The following ASAH1 variants were observed in gnomAD, a reference collection of about 807,000 sequenced individuals.
The protein encoded by ASAH1 is N-acylsphingosine amidohydrolase 1.
Under a neutral mutation model 59.5 loss-of-function variants are expected in ASAH1, and 70 were observed. The observed-to-expected ratio is 1.18, with a 90% confidence interval of 0.97 to 1.43. The LOEUF (loss-of-function observed/expected upper bound fraction) is 1.43, where lower values mean the gene tolerates loss of function less well. ASAH1 is among the 40% of genes most tolerant of loss of function. The pLI is 0.00. For missense variants in ASAH1, 660 were observed against 482.5 expected, an observed-to-expected ratio of 1.37 and a Z score of -3.45; for synonymous variants, 213 against 166.5, an observed-to-expected ratio of 1.28 and a Z score of -2.15.
chr8:18,081,009 G>A (rs551313836), intron 1 of ASAH1, among the ~76,000 whole-genome samples: 1 of 152,150 alleles, frequency 6.6e-6, no homozygotes, highest in Non-Finnish European at 1.5e-5. Context: ...ATATCATTAT[G>A]CCAGTGACTC....
Position 18,069,837 on chromosome 8 carries a change from T to C in ASAH1, c.258A>G (p.Thr86=), listed in dbSNP as rs572874216. Residue 86 remains threonine, a synonymous_variant, in exon 4 of 14, where the codon ACA becomes ACG. Coordinates refer to ENST00000637790, the MANE Select transcript of ASAH1 (RefSeq NM_177924.5). The part of the protein sequence containing the change: ...IVNSLKNMIN[T]FVPSGKIMQV... ...GCATAATTTTTCCACTTGGCACGAA[T>C]GTATTTATCATATTCTTCAGAGAAT... 15 of 1,592,596 alleles carry C rather than the reference T, an allele frequency of 9.4e-6. No individual in the cohort carries two copies. The South Asian group carries it at 1.5e-4, about 16-fold the overall frequency.
At chr8:18,072,903 C>G (rs1800231784) in intron 2 of ASAH1, among the ~76,000 whole-genome samples, 1 of 152,082 alleles carries the variant, frequency 6.6e-6, no homozygotes, top group South Asian at 2.1e-4. Context: ...AACATCCAAC[C>G]AATCCCAAAT....
At chr8:18,083,161 G>C (rs539253392) in intron 1 of ASAH1, 2 of 152,348 alleles carry the variant, frequency 1.3e-5, no homozygotes, top group Non-Finnish European at 2.9e-5. Context: ...CCTCAGGCCA[G>C]ATGCGCCAGG....
chr8:18,072,518 T>A (rs1360203068), intron 2 of ASAH1, among the ~76,000 whole-genome samples: 2 of 152,262 alleles, frequency 1.3e-5, no homozygotes, highest in East Asian at 3.8e-4. Flanking sequence ...AAAAGTATAT[T>A]CGATTTTGGA....
At chr8:18,073,375 G>C (rs1188365547) in intron 2 of ASAH1, 2 of 1,142,090 alleles carry the variant, frequency 1.8e-6, no homozygotes, top group Admixed American at 2.5e-5. Flanking sequence ...CTGCAAACAA[G>C]AAATATCATT....
chr8:18,076,878 C>T lies in ASAH1; in HGVS notation c.79-1291G>A, dbSNP rs184434256. On this transcript the variant is annotated intron_variant, in intron 1 of 13. Transcript: ENST00000637790. ...AGGTTGACATTACCTGTGATTCAAA[C>T]ATTAGCTGTCAAATTTGCCTTACCA... 2.9e-3 allele frequency among the ~76,000 whole-genome samples: 442 copies of T among 152,356 alleles called. 1 individual carries two copies. Among genetic ancestry groups the T allele is most frequent in the African/African-American group, 0.01 (430 of 41,578 alleles).
At chr8:18,079,125 A>G (rs1282879784) in intron 1 of ASAH1, among the ~76,000 whole-genome samples, 2 of 115,088 alleles carry the variant, frequency 1.7e-5, no homozygotes, top group Non-Finnish European at 4.1e-5. Flanking sequence ...TAACAATGCA[A>G]AAATTAGCTG....
At chr8:18,072,903 C>A (rs1800231784) in intron 2 of ASAH1, among the ~76,000 whole-genome samples, 1 of 152,082 alleles carries the variant, frequency 6.6e-6, no homozygotes. Context: ...AACATCCAAC[C>A]AATCCCAAAT....
chr8:18,058,793 T>G (rs969999614), intron 13 of ASAH1, 42 bp downstream of exon 13: 1 of 1,543,440 alleles, frequency 6.5e-7, no homozygotes, highest in African/African-American at 1.4e-5. Flanking sequence ...AGGGCCAAAT[T>G]CTTTCCCTAA....
chr8:18,084,333 T>C, upstream of ASAH1: 2 of 1,409,888 alleles, frequency 1.4e-6, no homozygotes, highest in Non-Finnish European at 9.2e-7. Flanking sequence ...GCGTGATCCA[T>C]CCCCCTCCCC....
intron 5 of ASAH1, 109 bp downstream of exon 5, chr8:18,067,111 T>TGTATATCTAAGACATACAGCACCTGTGCA: frequency 2.0e-6 from 1 of 497,930 alleles, no homozygotes; most frequent in South Asian, 5.9e-5. Flanking sequence ...GCACCTGTGC[T>TGTATATCTAAGACATACAGCACCTGTGCA]GTATATCTAA....
Position 18,071,857 on chromosome 8 carries a change from G to A in ASAH1, c.126-467C>T, listed in dbSNP as rs550965836. Among the ~76,000 whole-genome samples the A allele has an allele frequency of 2.6e-5, 4 of 152,212 alleles. No individual in the cohort carries two copies. In the South Asian group the frequency reaches 8.3e-4, roughly 32 times the overall value. On this transcript the variant is annotated intron_variant, in intron 2 of 13. Transcript: ENST00000637790. Reference sequence around the variant, plus strand: ...TGCCTTCAGGAAGATCACCTTTTAAGCCCCAGATGGCAACATGTATTATCT... The same window carrying A: ...TGCCTTCAGGAAGATCACCTTTTAAACCCCAGATGGCAACATGTATTATCT...
chr8:18,065,541 A>G (rs1333640707), intron 5 of ASAH1: 1 of 152,154 alleles, frequency 6.6e-6, no homozygotes, highest in African/African-American at 2.4e-5. Context: ...GTCGTGGGGA[A>G]AATATTTTTC....
intron 1 of ASAH1, among the ~76,000 whole-genome samples, chr8:18,077,584 C>T (rs898191042): frequency 3.9e-5 from 6 of 152,190 alleles, no homozygotes; most frequent in Non-Finnish European, 8.8e-5. Context: ...AGAAAAATCA[C>T]TCAAAAATCA....
chr8:18,069,659 G>T, intron 4 of ASAH1, 133 bp downstream of exon 4: 1 of 654,886 alleles, frequency 1.5e-6, no homozygotes, highest in East Asian at 2.8e-5. Context: ...TCCCTCTGAA[G>T]TTCTGACAGT....
intron 8 of ASAH1, 55 bp from the exon 9 acceptor site, chr8:18,061,795 C>T: frequency 1.3e-6 from 2 of 1,488,570 alleles, no homozygotes; most frequent in Non-Finnish European, 1.8e-6. Flanking sequence ...GCTTTAAGGC[C>T]CTGTCGCTCA....
chr8:18,071,894 G>A (rs911018708), intron 2 of ASAH1, among the ~76,000 whole-genome samples: 2 of 152,126 alleles, frequency 1.3e-5, no homozygotes, highest in African/African-American at 4.8e-5. Context: ...CCCACGATCA[G>A]CTTCAAGAAC....
chr8:18,064,075 A>G, intron 6 of ASAH1: 1 of 348,262 alleles, frequency 2.9e-6, no homozygotes, highest in Non-Finnish European at 5.2e-6. Flanking sequence ...AAAGGATGGG[A>G]GAATGTGTGT....
chr8:18,070,795 T>A (rs191803200), intron 3 of ASAH1, among the ~76,000 whole-genome samples: 41 of 152,348 alleles, frequency 2.7e-4, no homozygotes, highest in African/African-American at 8.4e-4. Context: ...AATTTTAAAC[T>A]ATTCTGTGGG....
Sources: allele counts gnomAD v4.1 joint callset (sites outside exome capture counted in the v4.1 genomes callset), GRCh38; gene constraint gnomAD v4.1.1; transcripts MANE v1.5; gene names NCBI Gene and HGNC (gene_info 2026-07-23, HGNC 2026-07-21).